TBC1D17: variants seen among roughly 807,000 people sequenced by gnomAD.
The protein encoded by TBC1D17 is TBC1 domain family, member 17.
A neutral mutation model predicts 78.8 loss-of-function variants in TBC1D17; 69 were observed. The ratio of observed to expected loss-of-function variants is 0.88; its 90% CI spans 0.72 to 1.07. TBC1D17 has a LOEUF of 1.07. Ranked by LOEUF, TBC1D17 falls within the 50% of genes least tolerant of loss-of-function variation. The pLI, the probability that TBC1D17 is intolerant of heterozygous loss-of-function variation, is 0.00. For missense variants in TBC1D17, 957 were observed against 861.0 expected, an observed-to-expected ratio of 1.11 and a Z score of -1.39; for synonymous variants, 456 against 358.3, an observed-to-expected ratio of 1.27 and a Z score of -3.08.
intron 1 of TBC1D17, 59 bp downstream of exon 1, chr19:49,877,803 T>C (rs919216524): frequency 3.2e-6 from 5 of 1,538,880 alleles, no homozygotes; most frequent in Non-Finnish European, 4.4e-6. Flanking sequence ...CGTCTAGTGA[T>C]CAGCTCTTCT....
chr19:49,883,549 A>AGG, intron 9 of TBC1D17, 102 bp from the exon 10 acceptor site: 1 of 923,884 alleles, frequency 1.1e-6, no homozygotes, highest in Non-Finnish European at 1.7e-6. Context: ...GTGGTCAGGG[A>AGG]GGGGCTCTGC....
At chr19:49,882,716 C>G (rs759867995) in intron 7 of TBC1D17, 48 bp from the exon 8 acceptor site, 2 of 1,476,270 alleles carry the variant, frequency 1.4e-6, no homozygotes, top group African/African-American at 1.4e-5. Flanking sequence ...GGGTTGGGTC[C>G]CCCCACCACC....
chr19:49,877,909 A>G, intron 1 of TBC1D17, 165 bp downstream of exon 1: 2 of 889,424 alleles, frequency 2.2e-6, no homozygotes, highest in Middle Eastern at 2.3e-4. Flanking sequence ...CCCAGGGAAG[A>G]ACCTCCCATG....
Position 49,877,720 on chromosome 19 carries a change from G to T in TBC1D17, c.-4G>T, listed in dbSNP as rs751578663. On this transcript the variant is annotated 5_prime_UTR_variant, in exon 1 of 17. Transcript: ENST00000221543. ...GCGGGGCAGTGGGGCCTTCGGCGGC[G>T]ACTATGGAAGGAGCCGGCTACAGGG... is the stretch of plus-strand genomic sequence containing the variant. 6.2e-7 allele frequency: 1 copy of T among 1,600,378 alleles called. No individual in the cohort carries two copies. Among genetic ancestry groups the T allele is most frequent in the South Asian group, 1.1e-5 (1 of 88,276 alleles).
rs754593364 is a variant in TBC1D17, at chr19:49,881,390, G to A, written c.442G>A (p.Gly148Arg). ...CTACCTGGTTCTGGTGACCCAGGCT[G>A]GAGGTTCCCTGCCCGCACTGCACTT... ...WAYLVLVTQA[G>R]GSLPALHFHR... Residue 148 changes from glycine to arginine, a missense_variant, in exon 5 of 17, where the codon GGA becomes AGA. Coordinates refer to ENST00000221543, the MANE Select transcript of TBC1D17 (RefSeq NM_024682.3). 5 of 1,613,200 alleles carry A rather than the reference G, an allele frequency of 3.1e-6. No individual in the cohort carries two copies. The highest frequency in any genetic ancestry group is 2.5e-6 in the Non-Finnish European group (3 of 1,179,984).
chr19:49,884,391 G>A (rs767896700), intron 11 of TBC1D17, 22 bp downstream of exon 11: 11 of 1,612,718 alleles, frequency 6.8e-6, no homozygotes, highest in Admixed American at 3.3e-5. Flanking sequence ...GCCTGGGGAC[G>A]GGCGTGGCCG....
chr19:49,878,250 G>T lies in TBC1D17; in HGVS notation c.120+9G>T. ...TCCGTGTCGTGGAAAAGGTGCGCTG[G>T]GAGGGAGCAGGGCTCGGACCCGCTC... On this transcript the variant is annotated intron_variant, in intron 2 of 16. Coordinates refer to ENST00000221543, the MANE Select transcript of TBC1D17 (RefSeq NM_024682.3). 6.4e-7 allele frequency: 1 copy of T among 1,554,716 alleles called. No homozygotes were observed. Among genetic ancestry groups the T allele is most frequent in the Non-Finnish European group, 8.7e-7 (1 of 1,148,750 alleles).
intron 15 of TBC1D17, 184 bp downstream of exon 15, chr19:49,888,018 T>G: frequency 1.0e-6 from 1 of 953,718 alleles, no homozygotes; most frequent in Non-Finnish European, 1.6e-6. Flanking sequence ...CCCAGCAAGG[T>G]CCTCCGGGCA....
intron 3 of TBC1D17, among the ~76,000 whole-genome samples, chr19:49,880,063 G>C (rs975356104): frequency 6.6e-6 from 1 of 151,806 alleles, no homozygotes; most frequent in African/African-American, 2.4e-5. Flanking sequence ...TCTCCATATT[G>C]GTCAGGCTGG....
At chr19:49,878,027 A>G (rs937648015) in intron 1 of TBC1D17, 116 bp from the exon 2 acceptor site, 17 of 883,940 alleles carry the variant, frequency 1.9e-5, no homozygotes, top group African/African-American at 8.5e-5. Flanking sequence ...TCCCGGGGCA[A>G]TGGCCCTCCC....
In TBC1D17 at chr19:49,887,461, C is replaced by G. The variant is rs1160121086; in HGVS notation, c.1445-15C>G. On this transcript the variant is annotated splice_polypyrimidine_tract_variant and intron_variant, in intron 13 of 16. Coordinates refer to ENST00000221543, the MANE Select transcript of TBC1D17 (RefSeq NM_024682.3). ...GCGCTGGGCAAGGCTGAGTGGGCTC[C>G]ATGTCATCCCCCAGATTCCCAGGAC... 1 of 1,612,690 alleles carries G rather than the reference C, an allele frequency of 6.2e-7. No homozygotes were observed. Among genetic ancestry groups the G allele is most frequent in the Admixed American group, 1.7e-5 (1 of 59,930 alleles).
chr19:49,882,958 C>T lies in TBC1D17; in HGVS notation c.928-15C>T, dbSNP rs370904764. 53 of 1,603,118 alleles carry T rather than the reference C, an allele frequency of 3.3e-5. No homozygotes were observed. The African/African-American group carries it at 4.8e-4, about 15-fold the overall frequency. Reference sequence around the variant, plus strand: ...ACAAGGCCCCACTGAGCTGCCTGCCCTCCTGCACCCCCAGGGTCTGAGCCC... The same window carrying T: ...ACAAGGCCCCACTGAGCTGCCTGCCTTCCTGCACCCCCAGGGTCTGAGCCC... On this transcript the variant is annotated splice_polypyrimidine_tract_variant and intron_variant, in intron 8 of 16. Transcript: ENST00000221543.
intron 9 of TBC1D17, 82 bp downstream of exon 9, chr19:49,883,158 T>C: frequency 7.6e-7 from 1 of 1,315,468 alleles, no homozygotes; most frequent in Non-Finnish European, 1.1e-6. Context: ...CTGTGGACGC[T>C]GGTTGTGAAC....
At chr19:49,881,241 T>TC in intron 4 of TBC1D17, 27 bp from the exon 5 acceptor site, 10 of 1,592,064 alleles carry the variant, frequency 6.3e-6, no homozygotes, top group Non-Finnish European at 8.6e-6. Flanking sequence ...CCCACGCGCT[T>TC]CCCCCAACAC....
chr19:49,883,783 A>G (rs751444304), intron 10 of TBC1D17, 38 bp downstream of exon 10: 2 of 1,561,382 alleles, frequency 1.3e-6, no homozygotes, highest in Non-Finnish European at 1.8e-6. Context: ...GGATGGGAGC[A>G]GGGAACCACA....
chr19:49,877,963 T>A, intron 1 of TBC1D17, 180 bp from the exon 2 acceptor site: 1 of 645,236 alleles, frequency 1.5e-6, no homozygotes, highest in South Asian at 2.0e-5. Flanking sequence ...CCCTGCCCCC[T>A]GTGGAACGCA....
Position 49,887,689 on chromosome 19 carries a change from C to A in TBC1D17, c.1543-29C>A, listed in dbSNP as rs1178285385. 3.8e-6 allele frequency: 6 copies of A among 1,597,190 alleles called. No individual in the cohort carries two copies. The South Asian group carries it at 4.4e-5, about 12-fold the overall frequency. ...TCAGGCCCAGGCTGGGCTATGACCTCCCTCCCTCCCTCTGTCCCGCACCCT... is the reference window on the plus strand; with the variant it reads ...TCAGGCCCAGGCTGGGCTATGACCTACCTCCCTCCCTCTGTCCCGCACCCT... On this transcript the variant is annotated intron_variant, in intron 14 of 16. Transcript: ENST00000221543.
At position 49,878,135 on chromosome 19, in the gene TBC1D17, C is replaced by G. The variant is rs781776519; in HGVS notation, c.22-8C>G. ...GGCCCCAGCCCTCGCTGGTTCCCCC[C>G]AACTCAGGTGGTGTTTGAGAAGGGC... On this transcript the variant is annotated splice_region_variant and splice_polypyrimidine_tract_variant and intron_variant, in intron 1 of 16. Coordinates refer to ENST00000221543, the MANE Select transcript of TBC1D17 (RefSeq NM_024682.3). 3.8e-6 allele frequency: 6 copies of G among 1,570,996 alleles called. No homozygotes were observed. The highest frequency in any genetic ancestry group is 1.7e-6 in the Non-Finnish European group (2 of 1,158,632).
At chr19:49,883,110 T>C (rs1413811376) in intron 9 of TBC1D17, 34 bp downstream of exon 9, 2 of 1,571,228 alleles carry the variant, frequency 1.3e-6, no homozygotes, top group Non-Finnish European at 1.7e-6. Context: ...CTGCCAGGCA[T>C]GACACCTGGT....
Sources: allele counts gnomAD v4.1 joint callset (sites outside exome capture counted in the v4.1 genomes callset), GRCh38; gene constraint gnomAD v4.1.1; transcripts MANE v1.5; gene names NCBI Gene and HGNC (gene_info 2026-07-23, HGNC 2026-07-21).